BTBD9: variants seen among roughly 807,000 people sequenced by gnomAD.
BTBD9 encodes BTB/POZ domain-containing protein 9.
Under a neutral mutation model 64.3 loss-of-function variants are expected in BTBD9, and 49 were observed. The ratio of observed to expected loss-of-function variants is 0.76; its 90% confidence interval spans 0.61 to 0.97. The LOEUF is 0.97. BTBD9 is among the 50% of genes least tolerant of loss of function. The pLI, the probability that BTBD9 is intolerant of heterozygous loss-of-function variation, is 0.00. For missense variants in BTBD9, 598 were observed against 762.1 expected, an observed-to-expected ratio of 0.78 and a Z score of 2.53; for synonymous variants, 260 against 274.7, an observed-to-expected ratio of 0.95 and a Z score of 0.53.
intron 2 of BTBD9, among the ~76,000 whole-genome samples, chr6:38,596,375 GT>G (rs1446563514): frequency 1.3e-5 from 2 of 152,008 alleles, no homozygotes; most frequent in Non-Finnish European, 2.9e-5. Context: ...AAGTATTTGA[GT>G]TTTTTTTAAG....
intron 6 of BTBD9, among the ~76,000 whole-genome samples, chr6:38,378,070 T>C (rs1765766138): frequency 6.6e-6 from 1 of 152,032 alleles, no homozygotes; most frequent in African/African-American, 2.4e-5. Context: ...ACTTCCGAAC[T>C]TCCCATGGCT....
chr6:38,500,970 C>A (rs574555730), intron 6 of BTBD9, among the ~76,000 whole-genome samples: 1 of 152,218 alleles, frequency 6.6e-6, no homozygotes, highest in African/African-American at 2.4e-5. Context: ...TTAATGTATA[C>A]AATATAGAGT....
At chr6:38,337,906 G>A (rs1434777903) in intron 7 of BTBD9, among the ~76,000 whole-genome samples, 1 of 152,164 alleles carries the variant, frequency 6.6e-6, no homozygotes. Flanking sequence ...AATATAGGAG[G>A]AAGGAAAAAG....
At chr6:38,471,549 T>C (rs1270671367) in intron 6 of BTBD9, among the ~76,000 whole-genome samples, 1 of 152,004 alleles carries the variant, frequency 6.6e-6, no homozygotes, top group Non-Finnish European at 1.5e-5. Context: ...AGGTTTTTCG[T>C]TGTTGTTGTT....
intron 7 of BTBD9, among the ~76,000 whole-genome samples, chr6:38,320,029 T>A (rs530676152): frequency 6.6e-6 from 1 of 152,284 alleles, no homozygotes; most frequent in South Asian, 2.1e-4. Flanking sequence ...TCCACGGGCA[T>A]TGGCTGTGTT....
intron 4 of BTBD9, among the ~76,000 whole-genome samples, chr6:38,585,073 G>C (rs1173718518): frequency 6.6e-6 from 1 of 151,884 alleles, no homozygotes; most frequent in Non-Finnish European, 1.5e-5. Context: ...AAAATCCTAG[G>C]GTGCTTCCTA....
chr6:38,358,293 C>T (rs570805447), intron 6 of BTBD9, among the ~76,000 whole-genome samples: 2 of 152,206 alleles, frequency 1.3e-5, no homozygotes, highest in Non-Finnish European at 2.9e-5. Flanking sequence ...ACACTGCACC[C>T]TTCCTTTGCT....
chr6:38,412,170 A>T (rs1162393475), intron 6 of BTBD9, among the ~76,000 whole-genome samples: 2 of 152,072 alleles, frequency 1.3e-5, no homozygotes, highest in Non-Finnish European at 2.9e-5. Flanking sequence ...AGCAACACAA[A>T]AGTACAAACA....
intron 6 of BTBD9, among the ~76,000 whole-genome samples, chr6:38,439,331 C>G (rs1768915751): frequency 6.6e-6 from 1 of 151,314 alleles, no homozygotes. Context: ...TTTCACCATG[C>G]TGGTCAGGCT....
At chr6:38,427,016 G>A (rs989501046) in intron 6 of BTBD9, among the ~76,000 whole-genome samples, 1 of 151,668 alleles carries the variant, frequency 6.6e-6, no homozygotes, top group East Asian at 1.9e-4. Flanking sequence ...GCGATTCTAC[G>A]TTCTGTATCC....
intron 6 of BTBD9, among the ~76,000 whole-genome samples, chr6:38,575,802 A>C (rs1775997111): frequency 6.6e-6 from 1 of 152,082 alleles, no homozygotes; most frequent in African/African-American, 2.4e-5. Flanking sequence ...TTTCAACCAG[A>C]ATTGGGAGCT....
At chr6:38,462,793 G>A (rs11966068) in intron 6 of BTBD9, among the ~76,000 whole-genome samples, 27,655 of 151,898 alleles carry the variant, frequency 0.18, 2,740 homozygotes, top group Non-Finnish European at 0.2. Context: ...ATTTCTCTAA[G>A]CTTTTTTTGT....
chr6:38,391,767 T>C (rs907479050), intron 6 of BTBD9, among the ~76,000 whole-genome samples: 1 of 152,110 alleles, frequency 6.6e-6, no homozygotes, highest in Non-Finnish European at 1.5e-5. Flanking sequence ...GTTCCTTCAT[T>C]AGCAAGAAAA....
intron 6 of BTBD9, among the ~76,000 whole-genome samples, chr6:38,548,214 G>T (rs1190877169): frequency 1.3e-5 from 2 of 152,108 alleles, no homozygotes; most frequent in Non-Finnish European, 2.9e-5. Context: ...GAAGTGATAG[G>T]ATTACTTCAA....
At chr6:38,600,825 T>C (rs1777215459) in intron 1 of BTBD9, among the ~76,000 whole-genome samples, 1 of 152,336 alleles carries the variant, frequency 6.6e-6, no homozygotes, top group Non-Finnish European at 1.5e-5. Flanking sequence ...TCTACCATAA[T>C]AAGTTCTCCA....
chr6:38,400,931 T>C (rs1766899179), intron 6 of BTBD9, among the ~76,000 whole-genome samples: 1 of 152,228 alleles, frequency 6.6e-6, no homozygotes, highest in South Asian at 2.1e-4. Flanking sequence ...TCCCCCACTT[T>C]AAACCAGGCT....
chr6:38,462,795 T>C lies in BTBD9; in HGVS notation c.1154+114805A>G, dbSNP rs1193812218. ...TCTCTCTCCATTTATTTCTCTAAGC[T>C]TTTTTTGTTTTGTTTTGTTTTGAGA... On this transcript the variant is annotated intron_variant, in intron 6 of 10. Coordinates refer to ENST00000481247, the MANE Select transcript of BTBD9 (RefSeq NM_001099272.2). Among the ~76,000 whole-genome samples the C allele has an allele frequency of 2.0e-5, 3 of 152,148 alleles. No homozygotes were observed. In the East Asian group the frequency reaches 5.8e-4, roughly 29 times the overall value.
chr6:38,433,540 C>G (rs963457798), intron 6 of BTBD9, among the ~76,000 whole-genome samples: 1 of 151,844 alleles, frequency 6.6e-6, no homozygotes, highest in African/African-American at 2.4e-5. Flanking sequence ...GACCCCCGCC[C>G]CTGCCTGCAA....
rs1185448427 is a variant in BTBD9 at position 38,172,060 on chromosome 6, C to T, written c.*2925G>A. ...GGCACCCACCTGTCAGCCTCACCTG[C>T]CACCTCTCTCCATGTTGGCTTGTTG... On this transcript the variant is annotated 3_prime_UTR_variant, in exon 11 of 11. Transcript: ENST00000481247. The T allele has an allele frequency of 6.6e-6, 1 of 152,148 alleles. No homozygotes were observed. The highest frequency in any genetic ancestry group is 1.5e-5 in the Non-Finnish European group (1 of 68,132). The allele number at this position is 152,148 out of a possible 1,614,324, so 9.4% of individuals were successfully genotyped here.
Sources: allele counts gnomAD v4.1 joint callset (sites outside exome capture counted in the v4.1 genomes callset), GRCh38; gene constraint gnomAD v4.1.1; transcripts MANE v1.5; gene names NCBI Gene and HGNC (gene_info 2026-07-23, HGNC 2026-07-21).